MORC1: variants seen among roughly 807,000 people sequenced by gnomAD.
MORC1 encodes MORC family CW-type zinc finger protein 1.
MORC1 carries 59 observed loss-of-function variants against 134.9 expected under a neutral mutation model. That is an observed-to-expected ratio of 0.44 (90% confidence interval 0.35 to 0.54). The LOEUF (loss-of-function observed/expected upper bound fraction) is 0.54. Among genes scored for constraint, MORC1 ranks in the 20% least tolerant of loss-of-function variants. The pLI is 0.00. For missense variants in MORC1, 947 were observed against 1,134.5 expected (o/e 0.83, Z 2.37); for synonymous variants, 395 against 391.7 (o/e 1.01, Z -0.10).
intron 11 of MORC1, among the ~76,000 whole-genome samples, chr3:109,061,474 A>G (rs1950082616): frequency 6.6e-6 from 1 of 152,210 alleles, no homozygotes; most frequent in Admixed American, 6.5e-5. Flanking sequence ...AACTCATAAT[A>G]AAAGAGCTTT....
intron 17 of MORC1, chr3:109,018,864 G>A (rs35474419): frequency 0.17 from 25,263 of 152,114 alleles, 2,396 homozygotes; most frequent in African/African-American, 0.25. Flanking sequence ...CAAACATCTA[G>A]CTTAATTCCT....
intron 8 of MORC1, among the ~76,000 whole-genome samples, chr3:109,074,108 T>G (rs1432994089): frequency 6.6e-6 from 1 of 152,164 alleles, no homozygotes. Context: ...GCTGGCAACG[T>G]GGCACCTAAT....
intron 21 of MORC1, among the ~76,000 whole-genome samples, chr3:108,989,471 A>C (rs1205018036): frequency 6.6e-6 from 1 of 152,200 alleles, no homozygotes; most frequent in Non-Finnish European, 1.5e-5. Flanking sequence ...ATAATACTGC[A>C]TGCTCAATTT....
At chr3:109,104,564 G>A (rs1559955196) in intron 3 of MORC1, among the ~76,000 whole-genome samples, 2 of 152,168 alleles carry the variant, frequency 1.3e-5, no homozygotes, top group African/African-American at 4.8e-5. Flanking sequence ...GGTGACTTAT[G>A]CCTATAATCG....
intron 12 of MORC1, 129 bp downstream of exon 12, chr3:109,059,677 T>A: frequency 1.5e-6 from 1 of 655,324 alleles, no homozygotes; most frequent in South Asian, 2.3e-5. Context: ...ATATTAGGTT[T>A]CAGATTATAA....
At chr3:109,009,693 G>A (rs571571690) in intron 17 of MORC1, among the ~76,000 whole-genome samples, 1 of 152,096 alleles carries the variant, frequency 6.6e-6, no homozygotes, top group Admixed American at 6.5e-5. Context: ...GTGACTTGAT[G>A]TTTATACCTC....
intron 21 of MORC1, among the ~76,000 whole-genome samples, chr3:108,990,605 C>G (rs971058159): frequency 2.0e-5 from 3 of 152,150 alleles, no homozygotes; most frequent in Non-Finnish European, 4.4e-5. Context: ...TAATACTTGT[C>G]ATTATCTACC....
chr3:108,964,139 C>G (rs947130542), intron 26 of MORC1, among the ~76,000 whole-genome samples: 1 of 152,154 alleles, frequency 6.6e-6, no homozygotes, highest in Non-Finnish European at 1.5e-5. Context: ...GGTTCCTTAT[C>G]GTGATACAAA....
chr3:109,062,030 G>C lies in MORC1; in HGVS notation c.924C>G (p.Ile308Met). The change falls in exon 11 of 28, where the codon ATC (isoleucine) becomes ATG (methionine). Residue 308 changes from isoleucine (I) to methionine (M), a missense_variant. By Grantham distance (10) the Ile-to-Met change is conservative. Transcript: ENST00000232603. Reference sequence around the variant, plus strand: ...AGGTTCTGTCACACTGGTTTACTTTGATTTGTGCTTCTTTCAATATGGATT... The same window carrying C: ...AGGTTCTGTCACACTGGTTTACTTTCATTTGTGCTTCTTTCAATATGGATT... ...IAESILKEAQ[I>M]KVNQCDRTSL... The C allele has an allele frequency of 6.2e-7, 1 of 1,614,016 alleles. No homozygotes were observed. Among genetic ancestry groups the C allele is most frequent in the Non-Finnish European group, 8.5e-7 (1 of 1,179,948 alleles).
intron 13 of MORC1, among the ~76,000 whole-genome samples, chr3:109,056,631 G>C (rs1459366259): frequency 3.9e-5 from 6 of 152,166 alleles, no homozygotes; most frequent in Non-Finnish European, 8.8e-5. Context: ...CTTAGCAAAA[G>C]GAGCATTTAT....
At chr3:109,016,148 T>A (rs989067242) in intron 17 of MORC1, among the ~76,000 whole-genome samples, 1 of 152,216 alleles carries the variant, frequency 6.6e-6, no homozygotes, top group African/African-American at 2.4e-5. Context: ...CCTCTTGTAG[T>A]GTTGTATCAC....
chr3:109,062,182 C>G (rs1236193186), intron 10 of MORC1, 124 bp from the exon 11 acceptor site: 2 of 785,736 alleles, frequency 2.5e-6, no homozygotes, highest in Non-Finnish European at 4.2e-6. Flanking sequence ...TGAGAAAACC[C>G]TATGTTCCTC....
At chr3:109,116,724 G>C (rs916644958) in intron 1 of MORC1, among the ~76,000 whole-genome samples, 1 of 152,212 alleles carries the variant, frequency 6.6e-6, no homozygotes, top group Non-Finnish European at 1.5e-5. Flanking sequence ...AGGCTACAGA[G>C]AACTATGATC....
At chr3:109,052,508 C>T (rs111426933) in intron 14 of MORC1, among the ~76,000 whole-genome samples, 6 of 152,182 alleles carry the variant, frequency 3.9e-5, no homozygotes, top group African/African-American at 1.2e-4. Context: ...TGTTTTAGAC[C>T]ATGACATGAA....
intron 17 of MORC1, among the ~76,000 whole-genome samples, chr3:109,021,108 AGCCTGCT>A (rs1442826589): frequency 9.8e-5 from 15 of 152,296 alleles, no homozygotes; most frequent in African/African-American, 3.6e-4. Flanking sequence ...AGCAGCGAGC[AGCCTGCT>A]GCGGAAGGAA....
intron 8 of MORC1, among the ~76,000 whole-genome samples, chr3:109,074,407 T>C (rs1322127753): frequency 6.6e-6 from 1 of 151,968 alleles, no homozygotes; most frequent in African/African-American, 2.4e-5. Context: ...AAAAATAATA[T>C]GAAAAAGAGA....
chr3:108,988,112 C>CT (rs1459848475), intron 21 of MORC1, among the ~76,000 whole-genome samples: 3 of 152,030 alleles, frequency 2.0e-5, no homozygotes, highest in Non-Finnish European at 2.9e-5. Flanking sequence ...TGTCAACTCT[C>CT]TTTTTTTTCC....
At chr3:108,970,629 C>T (rs1418157859) in intron 25 of MORC1, among the ~76,000 whole-genome samples, 1 of 152,180 alleles carries the variant, frequency 6.6e-6, no homozygotes, top group Non-Finnish European at 1.5e-5. Flanking sequence ...CCAAGTGTAT[C>T]CATCATCTCC....
chr3:108,965,837 C>T (rs546808198), intron 26 of MORC1, among the ~76,000 whole-genome samples: 2 of 152,130 alleles, frequency 1.3e-5, no homozygotes, highest in South Asian at 2.1e-4. Context: ...CAAAAAGCCT[C>T]GACACTATTA....
Sources: gnomAD v4.1 joint callset for allele counts (sites outside exome capture counted in the v4.1 genomes callset) on GRCh38, gnomAD v4.1.1 for gene constraint, MANE v1.5 for transcripts, NCBI Gene and HGNC (gene_info 2026-07-23, HGNC 2026-07-21) for gene names.